Variants in GNAL observed in about 807,000 individuals in gnomAD.
GNAL encodes G protein subunit alpha L.
GNAL carries 18 observed loss-of-function variants against 55.1 expected under a neutral mutation model. The observed-to-expected ratio is 0.33, with a 90% confidence interval of 0.23 to 0.48. The LOEUF (loss-of-function observed/expected upper bound fraction) is 0.48, where lower values mean the gene tolerates loss of function less well. GNAL is among the 20% of genes least tolerant of loss of function. GNAL has a pLI of 0.99. For synonymous variants in GNAL, 253 were observed against 237.0 expected, an observed-to-expected ratio of 1.07 and a Z score of -0.62; for missense variants, 412 against 614.1, an observed-to-expected ratio of 0.67 and a Z score of 3.48.
intron 4 of GNAL, among the ~76,000 whole-genome samples, chr18:11,814,401 G>A (rs984763210): frequency 6.6e-6 from 1 of 152,098 alleles, no homozygotes; most frequent in Admixed American, 6.5e-5. Flanking sequence ...TGTGGCAGGT[G>A]CCTGTAATCC....
At chr18:11,805,647 T>G (rs1205714249) in intron 4 of GNAL, among the ~76,000 whole-genome samples, 3 of 152,176 alleles carry the variant, frequency 2.0e-5, no homozygotes, top group African/African-American at 7.2e-5. Flanking sequence ...CTTAAGATAG[T>G]GACCTCCAGT....
At chr18:11,788,584 A>T (rs2034125526) in intron 4 of GNAL, among the ~76,000 whole-genome samples, 1 of 152,050 alleles carries the variant, frequency 6.6e-6, no homozygotes. Context: ...AAATATTGAC[A>T]GTGTTGGCCG....
Position 11,689,848 on chromosome 18 carries a change from C to A in GNAL, c.285C>A (p.Val95=). The A allele has an allele frequency of 6.5e-7, 1 of 1,532,150 alleles. No homozygotes were observed. The highest frequency in any genetic ancestry group is 2.0e-5 in the Admixed American group (1 of 50,486). 94.9% of individuals were successfully genotyped at this position (1,532,150 alleles called of 1,614,324 possible). A position where few individuals can be genotyped will look rare whatever the true frequency, so the allele number is the denominator to read the frequency against. ...EREAAKEREA[V]KEARKVSRGI... is the part of the protein sequence containing the mutation. ...AGGCGGCCAAGGAGCGCGAGGCGGTCAAGGAGGCGAGGAAAGTGAGCCGGG... is the reference window on the plus strand; with the variant it reads ...AGGCGGCCAAGGAGCGCGAGGCGGTAAAGGAGGCGAGGAAAGTGAGCCGGG... The change falls in exon 1 of 12, where the codon GTC becomes GTA. Residue 95 remains valine, a synonymous_variant. Coordinates refer to ENST00000334049, the MANE Select transcript of GNAL (RefSeq NM_182978.4).
chr18:11,874,905 CTG>C (rs2036495441), intron 10 of GNAL, among the ~76,000 whole-genome samples: 1 of 146,532 alleles, frequency 6.8e-6, no homozygotes, highest in South Asian at 2.3e-4. Context: ...TTCTATGAAT[CTG>C]TGAGTAAGTG....
intron 1 of GNAL, among the ~76,000 whole-genome samples, chr18:11,736,743 G>A (rs978165186): frequency 6.6e-6 from 1 of 152,210 alleles, no homozygotes; most frequent in African/African-American, 2.4e-5. Context: ...TCCTGGGCCA[G>A]CCCCTGGAAG....
chr18:11,879,795 T>A (rs1186722727), intron 11 of GNAL, among the ~76,000 whole-genome samples: 2 of 152,186 alleles, frequency 1.3e-5, no homozygotes, highest in African/African-American at 4.8e-5. Flanking sequence ...TCTAACCCTG[T>A]TTCTCAGGTA....
intron 4 of GNAL, among the ~76,000 whole-genome samples, chr18:11,775,214 T>C (rs2143309620): frequency 6.6e-6 from 1 of 152,366 alleles, no homozygotes; most frequent in East Asian, 1.9e-4. Flanking sequence ...CACTGTGTTC[T>C]GGCGAACTGA....
At chr18:11,874,410 A>T (rs930965506) in intron 10 of GNAL, 6 of 150,452 alleles carry the variant, frequency 4.0e-5, no homozygotes. Context: ...ACTACACACC[A>T]TGTGAATGCA....
At chr18:11,698,705 G>T (rs1399851116) in intron 1 of GNAL, among the ~76,000 whole-genome samples, 1 of 146,766 alleles carries the variant, frequency 6.8e-6, no homozygotes, top group African/African-American at 2.7e-5. Flanking sequence ...GGGTGATGAC[G>T]GATGAGACTG....
In GNAL at chr18:11,881,700, C is replaced by T. The variant is rs1362091186; in HGVS notation, c.*565C>T. The T allele has an allele frequency of 2.6e-5, 4 of 152,690 alleles. No individual in the cohort carries two copies. The highest frequency in any genetic ancestry group is 5.9e-5 in the Non-Finnish European group (4 of 68,086). The allele number at this position is 152,690 out of a possible 1,614,324, so 9.5% of individuals were successfully genotyped here. A position where few individuals can be genotyped will look rare whatever the true frequency, so the allele number is the denominator to read the frequency against. ...GCCTCAGGCATTTGAATTAGAGCTA[C>T]TTTGAGCCTCTTAGGCAGAAAACCT... On this transcript the variant is annotated 3_prime_UTR_variant, in exon 12 of 12. Coordinates refer to ENST00000334049, the MANE Select transcript of GNAL (RefSeq NM_182978.4). The surrounding 1 kb of genome is among the most constrained non-coding windows in gnomAD (Gnocchi z 4.8).
intron 4 of GNAL, among the ~76,000 whole-genome samples, chr18:11,794,989 C>T (rs1040003569): frequency 6.6e-6 from 1 of 152,058 alleles, no homozygotes; most frequent in East Asian, 1.9e-4. Flanking sequence ...ATTACCGGCG[C>T]CTGCCATCAT....
chr18:11,874,828 C>G (rs112374416), intron 10 of GNAL, among the ~76,000 whole-genome samples: 15 of 146,840 alleles, frequency 1.0e-4, no homozygotes, highest in African/African-American at 4.0e-4. Flanking sequence ...CTGGATGCTG[C>G]ACCCACCCAC....
At chr18:11,823,626 A>C (rs1412270314) in intron 4 of GNAL, among the ~76,000 whole-genome samples, 1 of 152,162 alleles carries the variant, frequency 6.6e-6, no homozygotes, top group African/African-American at 2.4e-5. Flanking sequence ...TTTGTATGGA[A>C]TTGTGAGTCC....
At chr18:11,792,525 C>T (rs1322014520) in intron 4 of GNAL, among the ~76,000 whole-genome samples, 1 of 152,182 alleles carries the variant, frequency 6.6e-6, no homozygotes, top group Non-Finnish European at 1.5e-5. Flanking sequence ...ATGTCTTAGC[C>T]ATAGTCTCCC....
intron 4 of GNAL, among the ~76,000 whole-genome samples, chr18:11,815,872 A>G (rs2034941945): frequency 6.6e-6 from 1 of 152,206 alleles, no homozygotes; most frequent in African/African-American, 2.4e-5. Flanking sequence ...ACAGTTTCAT[A>G]AAAGATAGCC....
At chr18:11,734,834 C>G (rs889031228) in intron 1 of GNAL, among the ~76,000 whole-genome samples, 1 of 150,078 alleles carries the variant, frequency 6.7e-6, no homozygotes, top group East Asian at 2.0e-4. Flanking sequence ...CCACAGCAAC[C>G]AGGCAGGAAG....
chr18:11,703,101 G>A (rs550220432), intron 1 of GNAL, among the ~76,000 whole-genome samples: 1 of 152,306 alleles, frequency 6.6e-6, no homozygotes, highest in Non-Finnish European at 1.5e-5. Flanking sequence ...CTGGGCGACA[G>A]AGCAAGACTC....
chr18:11,823,225 C>T (rs1408437770), intron 4 of GNAL, among the ~76,000 whole-genome samples: 1 of 152,150 alleles, frequency 6.6e-6, no homozygotes, highest in Non-Finnish European at 1.5e-5. Context: ...AACCTACAAA[C>T]TCCTTTACTG....
chr18:11,793,563 T>C (rs115572908), intron 4 of GNAL, among the ~76,000 whole-genome samples: 5 of 148,862 alleles, frequency 3.4e-5, no homozygotes, highest in African/African-American at 7.6e-5. Flanking sequence ...GCCTGAACAA[T>C]AGAGCAAGAT....
Sources: allele counts gnomAD v4.1 joint callset (sites outside exome capture counted in the v4.1 genomes callset), GRCh38; gene constraint gnomAD v4.1.1; non-coding constraint Gnocchi (gnomAD v3.1); transcripts MANE v1.5; gene names NCBI Gene and HGNC (gene_info 2026-07-23, HGNC 2026-07-21).